Variants in SSH1 observed in about 807,000 individuals in gnomAD.
SSH1 encodes protein phosphatase Slingshot homolog 1.
SSH1 carries 43 observed loss-of-function variants against 79.7 expected under a neutral mutation model. The observed-to-expected ratio is 0.54, with a 90% CI of 0.42 to 0.70. The LOEUF (loss-of-function observed/expected upper bound fraction) is 0.70, where lower values mean the gene tolerates loss of function less well. Ranked by LOEUF, SSH1 falls within the 30% of genes least tolerant of loss-of-function variation. The pLI is 0.00. For missense variants in SSH1, 1,206 were observed against 1,358.8 expected (o/e 0.89, Z 1.77); for synonymous variants, 599 against 538.3 (o/e 1.11, Z -1.56).
intron 5 of SSH1, among the ~76,000 whole-genome samples, chr12:108,813,420 A>C (rs533250898): frequency 4.8e-4 from 73 of 152,090 alleles, no homozygotes; most frequent in Non-Finnish European, 8.5e-4. Context: ...TCCGAATCGA[A>C]AACATAATCC....
At chr12:108,831,706 T>C (rs1483158519) in intron 2 of SSH1, among the ~76,000 whole-genome samples, 1 of 152,194 alleles carries the variant, frequency 6.6e-6, no homozygotes, top group East Asian at 1.9e-4. Flanking sequence ...GTAAGATGAT[T>C]ATGCTACATG....
At chr12:108,801,214 T>C (rs2137036231) in intron 11 of SSH1, among the ~76,000 whole-genome samples, 1 of 152,282 alleles carries the variant, frequency 6.6e-6, no homozygotes, top group African/African-American at 2.4e-5. Context: ...ATATACGTAT[T>C]ACTTAAATTT....
intron 12 of SSH1, 34 bp downstream of exon 12, chr12:108,800,746 T>C (rs1372072528): frequency 6.2e-7 from 1 of 1,612,100 alleles, no homozygotes; most frequent in Non-Finnish European, 8.5e-7. Flanking sequence ...AGCAGGTTGG[T>C]TTCATCCTCA....
chr12:108,818,269 A>C lies in SSH1; in HGVS notation c.259T>G (p.Cys87Gly), dbSNP rs1372870446. 1.9e-6 allele frequency: 3 copies of C among 1,613,980 alleles called. No homozygotes were observed. In the South Asian group the frequency reaches 3.3e-5, roughly 18 times the overall value. ...CTTACCAGCTTGATTCTGTCTTCGC[A>C]ACGCAGAAGGTTGATCATCACCTGA... ...HLQVMINLLR[C>G]EDRIKLAVRL... The change falls in exon 4 of 15, where the codon TGC (cysteine) becomes GGC (glycine). Residue 87 changes from cysteine (C) to glycine (G), a missense_variant. Coordinates refer to ENST00000326495, the MANE Select transcript of SSH1 (RefSeq NM_018984.4).
intron 2 of SSH1, among the ~76,000 whole-genome samples, chr12:108,846,999 T>G (rs1387462757): frequency 6.6e-6 from 1 of 152,016 alleles, no homozygotes. Flanking sequence ...TGGGTTCAAG[T>G]GATTCTCCTA....
In SSH1 at chr12:108,792,942, C is replaced by T. The variant is rs905008310; in HGVS notation, c.1350-113G>A. The T allele has an allele frequency of 2.0e-5, 25 of 1,244,542 alleles. 1 individual carries two copies. The Admixed American group carries it at 2.8e-4, about 14-fold the overall frequency. The allele number at this position is 1,244,542 out of a possible 1,614,324, so 77.1% of individuals were successfully genotyped here. A position where few individuals can be genotyped will look rare whatever the true frequency, so the allele number is the denominator to read the frequency against. On this transcript the variant is annotated intron_variant, in intron 13 of 14. Coordinates refer to ENST00000326495, the MANE Select transcript of SSH1 (RefSeq NM_018984.4). The stretch of plus-strand genomic sequence containing the variant: ...CTGCCCAAGGTCAGGGCGCCAGGGA[C>T]GATCCATGGCTCATTCAGGTAAAGC...
rs552426612 is a variant in SSH1 at position 108,780,450 on chromosome 12, G to A, written c.*7538C>T. On this transcript the variant is annotated 3_prime_UTR_variant, in exon 15 of 15. Coordinates refer to ENST00000326495, the MANE Select transcript of SSH1 (RefSeq NM_018984.4). ...GAACACACATTGTTAGGGTAGTGTG[G>A]GTGTTGTCTCCAAAAAGCATGTGTG... 6.6e-6 allele frequency: 1 copy of A among 152,288 alleles called. No individual in the cohort carries two copies. The highest frequency in any genetic ancestry group is 2.1e-4 in the South Asian group (1 of 4,826). The allele number at this position is 152,288 out of a possible 1,614,324, so 9.4% of individuals were successfully genotyped here.
intron 7 of SSH1, among the ~76,000 whole-genome samples, chr12:108,809,208 G>C (rs2037447318): frequency 2.8e-5 from 2 of 70,244 alleles, no homozygotes; most frequent in Admixed American, 2.5e-4. Flanking sequence ...CAGCACTTTG[G>C]GAGGAGGCTG....
At chr12:108,790,009 C>T (rs1283988523) in intron 14 of SSH1, among the ~76,000 whole-genome samples, 1 of 152,064 alleles carries the variant, frequency 6.6e-6, no homozygotes, top group Non-Finnish European at 1.5e-5. Context: ...TGTCTCTCAA[C>T]ACCTCCTTAT....
chr12:108,848,008 CGT>C (rs1341898594), intron 2 of SSH1, among the ~76,000 whole-genome samples: 2 of 152,110 alleles, frequency 1.3e-5, no homozygotes, highest in Admixed American at 1.3e-4. Flanking sequence ...GCCTAGGGAA[CGT>C]GTGTGACGGG....
Position 108,778,509 on chromosome 12 carries a change from G to A in SSH1, c.*9479C>T, listed in dbSNP as rs1400713417. ...TCTCTGAGCATCCACTGCTTCCTCTGTAAAACAGAATCATATCTGCGGTGA... is the reference window on the plus strand; with the variant it reads ...TCTCTGAGCATCCACTGCTTCCTCTATAAAACAGAATCATATCTGCGGTGA... On this transcript the variant is annotated 3_prime_UTR_variant, in exon 15 of 15. Coordinates refer to ENST00000326495, the MANE Select transcript of SSH1 (RefSeq NM_018984.4). 1 of 152,186 alleles carries A rather than the reference G, an allele frequency of 6.6e-6. No individual in the cohort carries two copies. The highest frequency in any genetic ancestry group is 1.9e-4 in the East Asian group (1 of 5,204). 9.4% of individuals were successfully genotyped at this position (152,186 alleles called of 1,614,324 possible). A position where few individuals can be genotyped will look rare whatever the true frequency, so the allele number is the denominator to read the frequency against.
chr12:108,853,468 A>G (rs2039084591), intron 1 of SSH1: 1 of 472,974 alleles, frequency 2.1e-6, no homozygotes, highest in African/African-American at 2.1e-5. Flanking sequence ...TTGAATGGGA[A>G]AGAGAAACCT....
intron 2 of SSH1, among the ~76,000 whole-genome samples, chr12:108,850,976 C>G (rs2137291096): frequency 6.6e-6 from 1 of 152,130 alleles, no homozygotes; most frequent in South Asian, 2.1e-4. Flanking sequence ...CACTCCACCC[C>G]TCCCTGCTTC....
intron 9 of SSH1, 52 bp from the exon 10 acceptor site, chr12:108,805,236 C>T: frequency 1.3e-6 from 2 of 1,592,074 alleles, no homozygotes; most frequent in Non-Finnish European, 8.6e-7. Flanking sequence ...AAACAATCGT[C>T]CACCTCAAAA....
rs2036125704 is a variant in SSH1 at position 108,779,302 on chromosome 12, A to T, written c.*8686T>A. The T allele has an allele frequency of 6.6e-6, 1 of 152,224 alleles. No individual in the cohort carries two copies. The highest frequency in any genetic ancestry group is 1.5e-5 in the Non-Finnish European group (1 of 68,036). 9.4% of individuals were successfully genotyped at this position (152,224 alleles called of 1,614,324 possible). On this transcript the variant is annotated 3_prime_UTR_variant, in exon 15 of 15. Transcript: ENST00000326495. ...GGTGAATATGATCTACGGGAAAGAA[A>T]CACACCTTGTGTCACCCCAATAGCC...
At chr12:108,853,261 A>G (rs532974872) in intron 1 of SSH1, 1 of 985,268 alleles carries the variant, frequency 1.0e-6, no homozygotes. Context: ...ATTTATATAA[A>G]TGCAAGAAAG....
intron 10 of SSH1, among the ~76,000 whole-genome samples, chr12:108,804,810 T>C (rs1011973396): frequency 1.3e-5 from 2 of 152,144 alleles, no homozygotes; most frequent in Non-Finnish European, 2.9e-5. Flanking sequence ...CTACGCCAAA[T>C]AGCTCCCAAA....
chr12:108,857,171 T>C lies in SSH1; in HGVS notation c.69+257A>G, dbSNP rs1277850295. Reference sequence around the variant, plus strand: ...ACACTCCCAGAGGGGTCGCACTGCATACACAGTCCCTGCAAAGTCGCCCCC... The same window carrying C: ...ACACTCCCAGAGGGGTCGCACTGCACACACAGTCCCTGCAAAGTCGCCCCC... On this transcript the variant is annotated intron_variant, in intron 1 of 14. Transcript: ENST00000326495. This position sits in a 1 kb window ranked among gnomAD's most constrained non-coding sequence, Gnocchi z 4.7. Among the ~76,000 whole-genome samples the C allele has an allele frequency of 6.6e-6, 1 of 152,106 alleles. No individual in the cohort carries two copies. The highest frequency in any genetic ancestry group is 1.5e-5 in the Non-Finnish European group (1 of 68,004).
chr12:108,829,115 G>C (rs2038408506), intron 2 of SSH1, among the ~76,000 whole-genome samples: 1 of 152,076 alleles, frequency 6.6e-6, no homozygotes, highest in Non-Finnish European at 1.5e-5. Flanking sequence ...ATCATTTGAG[G>C]TCAGGAGTTC....
Sources: gnomAD v4.1 joint callset for allele counts (sites outside exome capture counted in the v4.1 genomes callset) on GRCh38, gnomAD v4.1.1 for gene constraint, Gnocchi (gnomAD v3.1) non-coding constraint, MANE v1.5 for transcripts, NCBI Gene and HGNC (gene_info 2026-07-23, HGNC 2026-07-21) for gene names.